ZBED6: variants seen among roughly 807,000 people sequenced by gnomAD.
ZBED6 encodes zinc finger BED-type containing 6, also known as zinc finger BED domain-containing protein 6.
A neutral mutation model predicts 58.4 loss-of-function variants in ZBED6; 40 were observed. The observed-to-expected ratio is 0.68, with a 90% CI of 0.53 to 0.89. ZBED6 has a LOEUF of 0.89. ZBED6 is among the 40% of genes least tolerant of loss of function. ZBED6 has a pLI of 0.00. For missense variants in ZBED6, 1,057 were observed against 1,003.9 expected (o/e 1.05, Z -0.71); for synonymous variants, 439 against 350.6 (o/e 1.25, Z -2.82).
In ZBED6 at chr1:203,797,500, C is replaced by T. The variant is rs1052156271; in HGVS notation, c.-23C>T. The T allele has an allele frequency of 3.4e-6, 5 of 1,465,032 alleles. No individual in the cohort carries two copies. Among genetic ancestry groups the T allele is most frequent in the Non-Finnish European group, 3.6e-6 (4 of 1,117,288 alleles). The allele number at this position is 1,465,032 out of a possible 1,614,324, so 90.8% of individuals were successfully genotyped here. A position where few individuals can be genotyped will look rare whatever the true frequency, so the allele number is the denominator to read the frequency against. ...ATAAACCCACTAACAGATTCTGGTA[C>T]GAATTGTGGAGACATAAAGAGAATG... On this transcript the variant is annotated 5_prime_UTR_variant, in exon 1 of 17. It adds an upstream start codon to the 5' untranslated region. Transcript: ENST00000550078.
intron 3 of ZBED6, among the ~76,000 whole-genome samples, chr1:203,821,974 G>C (rs370178139): frequency 2.0e-5 from 3 of 152,024 alleles, no homozygotes; most frequent in Non-Finnish European, 4.4e-5. Flanking sequence ...AGCCAGGATG[G>C]TCTCGATCTG....
chr1:203,819,553 A>G (rs1677749063), intron 3 of ZBED6, among the ~76,000 whole-genome samples: 1 of 36,834 alleles, frequency 2.7e-5, no homozygotes, highest in Non-Finnish European at 5.3e-5. Flanking sequence ...TTTTTTTTTG[A>G]GACAGAGTTT....
chr1:203,833,618 G>GTTTTTTTTTTTTT (rs553171669), intron 8 of ZBED6, among the ~76,000 whole-genome samples, 173 bp from the exon 9 acceptor site: 7 of 124,830 alleles, frequency 5.6e-5, no homozygotes, highest in Non-Finnish European at 9.9e-5. Flanking sequence ...ATAGGTTTGG[G>GTTTTTTTTTTTTT]TTTTTTTTTT....
chr1:203,819,776 C>T (rs1677865815), intron 3 of ZBED6, among the ~76,000 whole-genome samples: 1 of 144,230 alleles, frequency 6.9e-6, no homozygotes, highest in Admixed American at 6.9e-5. Flanking sequence ...TCTGGTGATC[C>T]ACTTGCCTCG....
chr1:203,852,625 G>A (rs1000116443), exon 17 of ZBED6: 11 of 553,054 alleles, frequency 2.0e-5, no homozygotes, highest in Non-Finnish European at 3.2e-5. Flanking sequence ...ATCATCTTTT[G>A]AGAAAAAAGT....
At chr1:203,829,420 TTTTAA>T in intron 4 of ZBED6, 26 bp from the exon 5 acceptor site, 1 of 1,613,192 alleles carries the variant, frequency 6.2e-7, no homozygotes, top group Non-Finnish European at 8.5e-7. Context: ...TATCTTCTGT[TTTTAA>T]TTTATGACTG....
In ZBED6 at chr1:203,838,041, A is replaced by C. The variant is rs780343743; in HGVS notation, c.*3649A>C. On this transcript the variant is annotated 3_prime_UTR_variant, in exon 10 of 17. Transcript: ENST00000550078. ...AAGAAAGTTGAAGCTCCAGAAACTA[A>C]CATTGACAAAACACCAAAGAAAGGT... is the stretch of plus-strand genomic sequence containing the variant. 3 of 1,614,114 alleles carry C rather than the reference A, an allele frequency of 1.9e-6. No homozygotes were observed. The South Asian group carries it at 3.3e-5, about 18-fold the overall frequency.
intron 11 of ZBED6, among the ~76,000 whole-genome samples, chr1:203,841,157 ATT>A (rs76329142): frequency 9.1e-6 from 1 of 110,342 alleles, no homozygotes; most frequent in Non-Finnish European, 2.0e-5. Flanking sequence ...TTTTTTTTTT[ATT>A]TTTTTTTTTA....
chr1:203,819,075 A>ATAT lies in ZBED6; in HGVS notation c.*2873+386_*2873+387insTAT, dbSNP rs1266165633. 3.2e-5 allele frequency among the ~76,000 whole-genome samples: 3 copies of ATAT among 92,568 alleles called. No homozygotes were observed. The South Asian group carries it at 1.1e-3, about 34-fold the overall frequency. 60.7% of individuals were successfully genotyped at this position (92,568 alleles called of 152,430 possible). A position where few individuals can be genotyped will look rare whatever the true frequency, so the allele number is the denominator to read the frequency against. On this transcript the variant is annotated intron_variant, in intron 3 of 16. Coordinates refer to ENST00000550078, the Ensembl canonical transcript of ZBED6. ...AGAGCAACACTCCGTCTCAAAAAAA[A>ATAT]AAATATATATATATACACACACACA...
At chr1:203,802,563 T>C (rs1449197885) in exon 1 of ZBED6, 2 of 152,358 alleles carry the variant, frequency 1.3e-5, no homozygotes. Flanking sequence ...GTTTTTTTCT[T>C]AATAGGTGAA....
At chr1:203,836,318 G>A (rs970752367) in intron 9 of ZBED6, among the ~76,000 whole-genome samples, 3 of 152,186 alleles carry the variant, frequency 2.0e-5, no homozygotes, top group African/African-American at 7.2e-5. Context: ...TTATAAATGA[G>A]GGGAGAGAAA....
chr1:203,825,180 T>TAA (rs957597711), intron 3 of ZBED6, among the ~76,000 whole-genome samples: 1 of 152,122 alleles, frequency 6.6e-6, no homozygotes, highest in Non-Finnish European at 1.5e-5. Flanking sequence ...TGAACAATAT[T>TAA]AAATGCACCC....
chr1:203,812,511 T>C (rs1174834855), intron 1 of ZBED6, among the ~76,000 whole-genome samples: 1 of 152,296 alleles, frequency 6.6e-6, no homozygotes, highest in South Asian at 2.1e-4. Context: ...TTCAGACTTC[T>C]GTCTTGTTGC....
At chr1:203,819,123 T>C (rs1677443018) in intron 3 of ZBED6, among the ~76,000 whole-genome samples, 1 of 144,970 alleles carries the variant, frequency 6.9e-6, no homozygotes, top group East Asian at 2.0e-4. Flanking sequence ...CACACACGTG[T>C]ATATATACAT....
At chr1:203,850,840 A>G (rs746066031) in intron 15 of ZBED6, among the ~76,000 whole-genome samples, 159 bp downstream of exon 15, 5 of 152,166 alleles carry the variant, frequency 3.3e-5, no homozygotes, top group Non-Finnish European at 7.4e-5. Context: ...TTACAGTTTG[A>G]TATTTGTGAA....
chr1:203,833,934 C>T, intron 9 of ZBED6, 81 bp downstream of exon 9: 1 of 1,509,476 alleles, frequency 6.6e-7, no homozygotes, highest in South Asian at 1.3e-5. Context: ...TCTTTTTATA[C>T]AGATCTTTGT....
At chr1:203,830,250 GA>G in intron 7 of ZBED6, 47 bp downstream of exon 7, 1 of 1,433,196 alleles carries the variant, frequency 7.0e-7, no homozygotes, top group East Asian at 2.3e-5. Flanking sequence ...TGCTAGGGAA[GA>G]ATACTAAGGA....
At chr1:203,798,379 A>G in exon 1 of ZBED6, 1 of 1,534,916 alleles carries the variant, frequency 6.5e-7, no homozygotes. Context: ...GCTGTGTGTA[A>G]TATATGTAAA....
At chr1:203,837,454 CTTT>C (rs148758453) in intron 9 of ZBED6, among the ~76,000 whole-genome samples, 1 of 143,940 alleles carries the variant, frequency 6.9e-6, no homozygotes, top group Admixed American at 7.0e-5. Flanking sequence ...CCTTGTCTCT[CTTT>C]TTTTTTTTTT....
Sources: allele counts gnomAD v4.1 joint callset (sites outside exome capture counted in the v4.1 genomes callset), GRCh38; gene constraint gnomAD v4.1.1; transcripts MANE v1.5; gene names NCBI Gene and HGNC (gene_info 2026-07-23, HGNC 2026-07-21).